Variants in ALG9 observed in about 807,000 individuals in gnomAD.
ALG9 encodes the protein ALG9 alpha-1,2-mannosyltransferase.
A neutral mutation model predicts 81.8 loss-of-function variants in ALG9; 55 were observed. That is an observed-to-expected ratio of 0.67 (90% CI 0.54 to 0.84). The LOEUF is 0.84. Among genes scored for constraint, ALG9 ranks in the 40% least tolerant of loss-of-function variants. The pLI is 0.00. For missense variants in ALG9, 629 were observed against 745.0 expected (o/e 0.84, Z 1.81); for synonymous variants, 278 against 274.3 (o/e 1.01, Z -0.13).
chr11:111,785,122 A>C lies in ALG9; in HGVS notation c.*1275T>G, dbSNP rs576592817. On this transcript the variant is annotated 3_prime_UTR_variant, in exon 15 of 15. Coordinates refer to ENST00000616540, the MANE Select transcript of ALG9 (RefSeq NM_024740.2). ...ATATGGAGGAGCAATAGATGAGAGT[A>C]AGGAAACCTGGGTTCCAGTCCCAGC... 1.3e-5 allele frequency: 2 copies of C among 152,618 alleles called. No homozygotes were observed. Among genetic ancestry groups the C allele is most frequent in the South Asian group, 2.1e-4 (1 of 4,832 alleles). 9.5% of individuals were successfully genotyped at this position (152,618 alleles called of 1,614,324 possible).
rs1946154869 is a variant in ALG9 at position 111,783,653 on chromosome 11, TATAC to T, written c.*2740_*2743del. ...TTTTCCCAGGCAAAGCTATCCTTCCTATACTAAAAAGTGATGGAGATTTTTTAAA... is the reference window on the plus strand; with the variant it reads ...TTTTCCCAGGCAAAGCTATCCTTCCTTAAAAAGTGATGGAGATTTTTTAAA... On this transcript the variant is annotated 3_prime_UTR_variant, in exon 15 of 15. Transcript: ENST00000616540. 1 of 152,150 alleles carries T rather than the reference TATAC, an allele frequency of 6.6e-6. No homozygotes were observed. Among genetic ancestry groups the T allele is most frequent in the Non-Finnish European group, 1.5e-5 (1 of 68,022 alleles). 9.4% of individuals were successfully genotyped at this position (152,150 alleles called of 1,614,324 possible). A position where few individuals can be genotyped will look rare whatever the true frequency, so the allele number is the denominator to read the frequency against.
downstream of ALG9, among the ~76,000 whole-genome samples, chr11:111,781,190 C>G (rs543487589): frequency 6.6e-6 from 1 of 152,310 alleles, no homozygotes; most frequent in South Asian, 2.1e-4. Context: ...AAGTTAAGGG[C>G]ATCTGGGGTC....
chr11:111,841,596 C>G (rs1015666545), intron 9 of ALG9, among the ~76,000 whole-genome samples: 1 of 152,218 alleles, frequency 6.6e-6, no homozygotes, highest in Non-Finnish European at 1.5e-5. Context: ...ACTGCGTTTA[C>G]AGGAGTGATA....
intron 14 of ALG9, chr11:111,798,247 C>A: frequency 3.5e-6 from 1 of 285,776 alleles, no homozygotes; most frequent in Non-Finnish European, 6.9e-6. Flanking sequence ...AATCCCCAAA[C>A]TAAAGGTGAA....
intron 2 of ALG9, 104 bp from the exon 3 acceptor site, chr11:111,868,840 G>A: frequency 7.9e-7 from 1 of 1,265,084 alleles, no homozygotes. Flanking sequence ...ACAAAGGCAA[G>A]CCAGGCACGA....
intron 10 of ALG9, among the ~76,000 whole-genome samples, chr11:111,839,609 G>A (rs1194702637): frequency 1.5e-5 from 2 of 131,004 alleles, no homozygotes; most frequent in Non-Finnish European, 3.2e-5. Flanking sequence ...AAAGGGGGGG[G>A]GGGATATAAA....
At position 111,871,533 on chromosome 11, in the gene ALG9, G is replaced by A. The variant is rs1964286535; in HGVS notation, c.-51C>T. The A allele has an allele frequency of 6.5e-7, 1 of 1,534,540 alleles. No individual in the cohort carries two copies. The highest frequency in any genetic ancestry group is 8.7e-7 in the Non-Finnish European group (1 of 1,145,914). The stretch of plus-strand genomic sequence containing the variant: ...GGCACCCTATGAAGTCGGTGAGCGC[G>A]CAGACATAGCTTTGGCTGGCAAACG... On this transcript the variant is annotated 5_prime_UTR_variant, in exon 1 of 15. Coordinates refer to ENST00000616540, the MANE Select transcript of ALG9 (RefSeq NM_024740.2).
Position 111,838,297 on chromosome 11 carries a change from A to G in ALG9, c.1276T>C (p.Phe426Leu). The change falls in exon 11 of 15, where the codon TTC becomes CTC. Residue 426 changes from phenylalanine (F) to leucine (L), a missense_variant. Physicochemically the swap from Phe to Leu is conservative, Grantham distance 22. Coordinates refer to ENST00000616540, the MANE Select transcript of ALG9 (RefSeq NM_024740.2). Reference protein sequence around the residue: ...TSNWLALGTVFLFGLLSFSRS... With the variant: ...TSNWLALGTVLLFGLLSFSRS... ...GAAAATGACAAGAGCCCAAACAGGA[A>G]GACAGTTCCTAATGCCAGCCAATTC... The G allele has an allele frequency of 6.2e-7, 1 of 1,614,202 alleles. No individual in the cohort carries two copies. Among genetic ancestry groups the G allele is most frequent in the Non-Finnish European group, 8.5e-7 (1 of 1,180,008 alleles).
intron 13 of ALG9, among the ~76,000 whole-genome samples, chr11:111,834,292 C>T (rs1954859155): frequency 6.6e-6 from 1 of 152,008 alleles, no homozygotes; most frequent in Admixed American, 6.6e-5. Flanking sequence ...GGCATAGTCA[C>T]CAATATAAGC....
rs782185107 is a variant in ALG9, at chr11:111,837,534, C to T, written c.1406G>A (p.Arg469Lys). 1.9e-6 allele frequency: 3 copies of T among 1,614,076 alleles called. No homozygotes were observed. Among genetic ancestry groups the T allele is most frequent in the Non-Finnish European group, 1.7e-6 (2 of 1,179,954 alleles). ...DPTIHTVPEG[R>K]PVNVCVGKEW... ...TTTTCCCACACAGACATTCACAGGTCTGCCTTCTGGGACAGTGTGGATGGT... is the reference window on the plus strand; with the variant it reads ...TTTTCCCACACAGACATTCACAGGTTTGCCTTCTGGGACAGTGTGGATGGT... The change falls in exon 12 of 15, where the codon AGA (arginine) becomes AAA (lysine). Residue 469 changes from arginine (R) to lysine (K), a missense_variant. By Grantham distance (26) the Arg-to-Lys change is conservative. Transcript: ENST00000616540.
chr11:111,837,336 T>A, intron 12 of ALG9, 132 bp downstream of exon 12: 1 of 1,049,996 alleles, frequency 9.5e-7, no homozygotes, highest in Non-Finnish European at 1.4e-6. Context: ...GCCCCACAGC[T>A]CTCCGACGTG....
At chr11:111,786,877 A>G (rs1946547553) in intron 14 of ALG9, among the ~76,000 whole-genome samples, 1 of 152,302 alleles carries the variant, frequency 6.6e-6, no homozygotes, top group East Asian at 1.9e-4. Flanking sequence ...CATCTAAGAA[A>G]CTGTAGAGAT....
At chr11:111,774,404 G>T in the ALG9 span, among the ~76,000 whole-genome samples, 18 of 152,188 alleles carry the variant, frequency 1.2e-4, no homozygotes, top group Admixed American at 3.9e-4. Context: ...CAAACAAAAA[G>T]GCAAGGGCCA....
the ALG9 span, chr11:111,771,393 C>T: frequency 6.6e-6 from 1 of 152,330 alleles, no homozygotes; most frequent in Non-Finnish European, 1.5e-5. Flanking sequence ...GATAGCGCCA[C>T]TGGGAAAAAG....
chr11:111,774,638 C>A, the ALG9 span, among the ~76,000 whole-genome samples: 3 of 152,190 alleles, frequency 2.0e-5, no homozygotes, highest in Non-Finnish European at 2.9e-5. Flanking sequence ...AAATTTCACC[C>A]ATTTTTCCAC....
Position 111,871,419 on chromosome 11 carries a change from G to T in ALG9, c.64C>A (p.Pro22Thr). 6.5e-7 allele frequency: 1 copy of T among 1,535,996 alleles called. No homozygotes were observed. Among genetic ancestry groups the T allele is most frequent in the East Asian group, 2.4e-5 (1 of 40,890 alleles). ...AGCTCCCGCAGCTTGTCCGCAGCCG[G>T]GGCCGTATCCCCACTGCTGGCCCCG... ...GSGASSGDTAPAADKLRELLG... is the reference protein window; with the variant it reads ...GSGASSGDTATAADKLRELLG... Residue 22 changes from proline (P) to threonine (T), a missense_variant, in exon 1 of 15, where the codon CCG becomes ACG. Coordinates refer to ENST00000616540, the MANE Select transcript of ALG9 (RefSeq NM_024740.2).
At chr11:111,828,590 G>A (rs1246005384) in intron 13 of ALG9, among the ~76,000 whole-genome samples, 1 of 152,100 alleles carries the variant, frequency 6.6e-6, no homozygotes, top group Non-Finnish European at 1.5e-5. Flanking sequence ...CTTAAGAAGA[G>A]GCCTGAAGGC....
chr11:111,854,397 T>C (rs1403255390), intron 6 of ALG9, among the ~76,000 whole-genome samples: 1 of 151,318 alleles, frequency 6.6e-6, no homozygotes, highest in Non-Finnish European at 1.5e-5. Context: ...GCCTCCCAAG[T>C]AACTGGGACT....
chr11:111,802,707 T>C (rs1555081527), intron 14 of ALG9, among the ~76,000 whole-genome samples: 1 of 152,204 alleles, frequency 6.6e-6, no homozygotes, highest in East Asian at 1.9e-4. Flanking sequence ...TTTACCTGTT[T>C]TGTGCCTCAC....
Sources: allele counts gnomAD v4.1 joint callset (sites outside exome capture counted in the v4.1 genomes callset), GRCh38; gene constraint gnomAD v4.1.1; transcripts MANE v1.5; gene names NCBI Gene and HGNC (gene_info 2026-07-23, HGNC 2026-07-21).